SSH2: variants seen among roughly 807,000 people sequenced by gnomAD.
The protein encoded by SSH2 is slingshot protein phosphatase 2.
In SSH2, 37 loss-of-function variants were observed where a neutral mutation model predicts 135.2. That is an observed-to-expected ratio of 0.27 (90% CI 0.21 to 0.36). The LOEUF (loss-of-function observed/expected upper bound fraction) is 0.36. SSH2 is among the 10% of genes least tolerant of loss of function. The probability of loss-of-function intolerance (pLI) is 1.00; values close to 1 mark genes in which losing one functional copy is unlikely to be tolerated. For missense variants in SSH2, 1,408 were observed against 1,765.3 expected (o/e 0.80, Z 3.63); for synonymous variants, 628 against 646.2 (o/e 0.97, Z 0.43).
intron 3 of SSH2, among the ~76,000 whole-genome samples, chr17:29,719,704 A>G (rs1434891503): frequency 6.6e-6 from 1 of 152,168 alleles, no homozygotes; most frequent in African/African-American, 2.4e-5. Context: ...GCTTAAACTT[A>G]CCAATTACAC....
intron 2 of SSH2, among the ~76,000 whole-genome samples, chr17:29,842,410 C>T (rs1450841743): frequency 1.3e-5 from 2 of 149,638 alleles, no homozygotes; most frequent in Non-Finnish European, 3.0e-5. Flanking sequence ...GCCGAGATCA[C>T]GCCACTGCAC....
intron 1 of SSH2, chr17:29,928,636 A>G (rs1279032432): frequency 2.5e-6 from 1 of 398,328 alleles, no homozygotes; most frequent in African/African-American, 2.1e-5. Flanking sequence ...TTATTAAGAT[A>G]TAGTTGTCAA....
intron 3 of SSH2, among the ~76,000 whole-genome samples, chr17:29,724,778 C>A (rs1343857588): frequency 6.7e-6 from 1 of 150,350 alleles, no homozygotes; most frequent in East Asian, 2.1e-4. Context: ...TTAGTAGAGA[C>A]AAGGTTTCAC....
chr17:29,852,651 A>C (rs938215409), intron 1 of SSH2, among the ~76,000 whole-genome samples: 1 of 151,568 alleles, frequency 6.6e-6, no homozygotes, highest in Non-Finnish European at 1.5e-5. Context: ...TCCTGGGTTC[A>C]AGCAATTCTC....
intron 3 of SSH2, among the ~76,000 whole-genome samples, chr17:29,767,831 C>G (rs190380483): frequency 1.1e-3 from 162 of 151,966 alleles, no homozygotes; most frequent in African/African-American, 3.7e-3. Flanking sequence ...TGTTTCCAGT[C>G]TTTACTATTA....
chr17:29,900,347 C>T (rs2066527184), intron 1 of SSH2, among the ~76,000 whole-genome samples: 1 of 152,082 alleles, frequency 6.6e-6, no homozygotes, highest in African/African-American at 2.4e-5. Context: ...GAACAGGCAA[C>T]CTACAGAATG....
At chr17:29,847,544 A>C (rs2043153668) in intron 2 of SSH2, among the ~76,000 whole-genome samples, 1 of 152,134 alleles carries the variant, frequency 6.6e-6, no homozygotes, top group African/African-American at 2.4e-5. Flanking sequence ...AGAGCTCATT[A>C]GTTTTCCTGA....
At chr17:29,851,118 A>T (rs1034760283) in intron 1 of SSH2, among the ~76,000 whole-genome samples, 2 of 152,250 alleles carry the variant, frequency 1.3e-5, no homozygotes, top group Non-Finnish European at 2.9e-5. Context: ...AAAAATATAT[A>T]AAATATTTGA....
At chr17:29,900,061 G>A (rs1248256481) in intron 1 of SSH2, among the ~76,000 whole-genome samples, 3 of 152,098 alleles carry the variant, frequency 2.0e-5, no homozygotes, top group African/African-American at 7.2e-5. Flanking sequence ...AATGGTGCTG[G>A]GAAAACTGGC....
At chr17:29,682,806 T>C (rs1421815032) in intron 6 of SSH2, among the ~76,000 whole-genome samples, 1 of 152,188 alleles carries the variant, frequency 6.6e-6, no homozygotes. Context: ...TAGGTGCTGT[T>C]ATAGGAAAAT....
intron 1 of SSH2, among the ~76,000 whole-genome samples, chr17:29,889,965 A>C (rs987600467): frequency 6.6e-6 from 1 of 152,040 alleles, no homozygotes; most frequent in Non-Finnish European, 1.5e-5. Flanking sequence ...GTCTCTAAAA[A>C]ATTTTTTTAA....
In SSH2 at chr17:29,626,467, T is replaced by C. The variant is rs570280590; in HGVS notation, c.*4374A>G. On this transcript the variant is annotated 3_prime_UTR_variant, in exon 16 of 16. Transcript: ENST00000540801. ...TGTACACAGGACGCTGCCACCAGCA[T>C]TGCTTTGAGGACACAGACGGCAGCA... 2 of 152,876 alleles carry C rather than the reference T, an allele frequency of 1.3e-5. No individual in the cohort carries two copies. Among genetic ancestry groups the C allele is most frequent in the South Asian group, 2.1e-4 (1 of 4,828 alleles). The allele number at this position is 152,876 out of a possible 1,614,324, so 9.5% of individuals were successfully genotyped here.
At chr17:29,737,552 C>G (rs2040412847) in intron 3 of SSH2, among the ~76,000 whole-genome samples, 1 of 152,106 alleles carries the variant, frequency 6.6e-6, no homozygotes, top group Non-Finnish European at 1.5e-5. Context: ...AAATAAGGCA[C>G]AGTACAAAAG....
At chr17:29,761,040 G>T (rs2041276017) in intron 3 of SSH2, 1 of 1,143,954 alleles carries the variant, frequency 8.7e-7, no homozygotes, top group African/African-American at 1.6e-5. Flanking sequence ...AGCAGGATGC[G>T]CGCTCGCCCT....
intron 5 of SSH2, among the ~76,000 whole-genome samples, chr17:29,690,699 G>A (rs1015541659): frequency 3.3e-5 from 5 of 151,934 alleles, no homozygotes; most frequent in African/African-American, 1.2e-4. Context: ...AAAAGAAAAA[G>A]ATTAGAGCTT....
rs752379702 is a variant in SSH2 at position 29,696,165 on chromosome 17, G to GTA, written c.293-644_293-643dup. ...GTGACTGATATTATAATGAGAGTAT[G>GTA]TATATATATACACACACACACACAC... is the stretch of plus-strand genomic sequence containing the variant. On this transcript the variant is annotated intron_variant, in intron 4 of 15. Transcript: ENST00000540801. Among the ~76,000 whole-genome samples the GTA allele has an allele frequency of 1.3e-3, 161 of 127,172 alleles. 1 individual carries two copies. Among genetic ancestry groups the GTA allele is most frequent in the Middle Eastern group, 0.012 (3 of 246 alleles). The allele number at this position is 127,172 out of a possible 152,430, so 83.4% of individuals were successfully genotyped here. A position where few individuals can be genotyped will look rare whatever the true frequency, so the allele number is the denominator to read the frequency against.
chr17:29,657,018 G>A (rs575019456), intron 11 of SSH2, among the ~76,000 whole-genome samples: 33 of 152,230 alleles, frequency 2.2e-4, no homozygotes, highest in African/African-American at 3.9e-4. Flanking sequence ...CCAGGCTACA[G>A]GGCAGTGGTA....
chr17:29,833,925 TTCCC>T (rs1205777765), intron 2 of SSH2, among the ~76,000 whole-genome samples: 4 of 110,424 alleles, frequency 3.6e-5, no homozygotes, highest in African/African-American at 1.4e-4. Flanking sequence ...CCCTGCCTCC[TTCCC>T]TCCCTCCCTC....
At chr17:29,745,712 C>G (rs148501032) in intron 3 of SSH2, among the ~76,000 whole-genome samples, 1 of 152,264 alleles carries the variant, frequency 6.6e-6, no homozygotes, top group Non-Finnish European at 1.5e-5. Context: ...GTGTGCCACT[C>G]TAATTATTTC....
Sources: allele counts gnomAD v4.1 joint callset (sites outside exome capture counted in the v4.1 genomes callset), GRCh38; gene constraint gnomAD v4.1.1; transcripts MANE v1.5; gene names NCBI Gene and HGNC (gene_info 2026-07-23, HGNC 2026-07-21).